ELOVL7: variants seen among roughly 807,000 people sequenced by gnomAD.
ELOVL7 encodes the protein very long chain fatty acid elongase 7.
Under a neutral mutation model 35.7 loss-of-function variants are expected in ELOVL7, and 27 were observed. That is an observed-to-expected ratio of 0.76 (90% CI 0.56 to 1.04). ELOVL7 has a LOEUF of 1.04. Among genes scored for constraint, ELOVL7 ranks in the 50% least tolerant of loss-of-function variants. The pLI is 0.00. For missense variants in ELOVL7, 327 were observed against 340.8 expected (o/e 0.96, Z 0.32); for synonymous variants, 113 against 114.6 (o/e 0.99, Z 0.09).
intron 1 of ELOVL7, among the ~76,000 whole-genome samples, chr5:60,814,819 A>G (rs549497605): frequency 2.0e-5 from 3 of 152,336 alleles, no homozygotes; most frequent in African/African-American, 7.2e-5. Context: ...GAATTTCATC[A>G]ATCAACCAAC....
intron 2 of ELOVL7, among the ~76,000 whole-genome samples, chr5:60,791,470 C>G (rs1236728513): frequency 1.3e-5 from 2 of 152,162 alleles, no homozygotes; most frequent in Non-Finnish European, 2.9e-5. Flanking sequence ...AAGCTCAAAT[C>G]TCAGCATCAC....
chr5:60,818,972 C>T (rs1035753630), intron 1 of ELOVL7, among the ~76,000 whole-genome samples: 5 of 144,640 alleles, frequency 3.5e-5, no homozygotes, highest in African/African-American at 7.7e-5. Context: ...TATTGTGCCA[C>T]TGCACTCCAG....
intron 2 of ELOVL7, among the ~76,000 whole-genome samples, chr5:60,793,483 G>C (rs1390417518): frequency 6.6e-6 from 1 of 152,090 alleles, no homozygotes; most frequent in Admixed American, 6.5e-5. Flanking sequence ...TTTGGGTTTG[G>C]GGGTAGCATA....
intron 1 of ELOVL7, among the ~76,000 whole-genome samples, chr5:60,801,024 C>T (rs1388885547): frequency 5.9e-5 from 9 of 152,104 alleles, no homozygotes; most frequent in African/African-American, 2.2e-4. Context: ...ATCTCCTGGG[C>T]TAAGGAAATT....
intron 1 of ELOVL7, among the ~76,000 whole-genome samples, chr5:60,837,315 T>TGGGGGGGGGGGGGGG (rs1227317155): frequency 2.0e-4 from 5 of 24,524 alleles, no homozygotes; most frequent in Admixed American, 5.4e-4. Flanking sequence ...GGCGGGGGGG[T>TGGGGGGGGGGGGGGG]GGGGGGGGAG....
At chr5:60,840,701 G>A (rs186195010) in intron 1 of ELOVL7, among the ~76,000 whole-genome samples, 2 of 152,050 alleles carry the variant, frequency 1.3e-5, no homozygotes, top group Non-Finnish European at 2.9e-5. Flanking sequence ...TTTTAAAATC[G>A]CTTTTAGAAA....
At chr5:60,815,235 T>C (rs2112332158) in intron 1 of ELOVL7, among the ~76,000 whole-genome samples, 1 of 152,324 alleles carries the variant, frequency 6.6e-6, no homozygotes, top group East Asian at 1.9e-4. Context: ...ATACTTATCA[T>C]TCTTTAAATG....
intron 1 of ELOVL7, among the ~76,000 whole-genome samples, chr5:60,801,613 C>T (rs1302875628): frequency 6.6e-6 from 1 of 151,624 alleles, no homozygotes; most frequent in African/African-American, 2.4e-5. Context: ...TAAGGCAGGA[C>T]GATGGCTTGA....
At chr5:60,768,577 T>C (rs1742385242) in intron 4 of ELOVL7, 1 of 410,512 alleles carries the variant, frequency 2.4e-6, no homozygotes. Context: ...CCAAGGCTGA[T>C]GTGACAAGAA....
At chr5:60,818,692 T>A (rs1745681406) in intron 1 of ELOVL7, among the ~76,000 whole-genome samples, 1 of 152,096 alleles carries the variant, frequency 6.6e-6, no homozygotes, top group Middle Eastern at 3.4e-3. Flanking sequence ...AAGACAAACC[T>A]ATCAGTAGAC....
chr5:60,771,840 A>G, intron 4 of ELOVL7, 63 bp downstream of exon 4: 1 of 1,189,180 alleles, frequency 8.4e-7, no homozygotes, highest in Non-Finnish European at 1.2e-6. Context: ...CAGAAAACAT[A>G]ATGACACATA....
At chr5:60,791,725 A>G (rs143355241) in intron 2 of ELOVL7, among the ~76,000 whole-genome samples, 8 of 152,280 alleles carry the variant, frequency 5.3e-5, no homozygotes, top group Admixed American at 4.6e-4. Flanking sequence ...TTGAGACCAC[A>G]CAAAAAGCTA....
At chr5:60,841,946 C>T (rs1747198540) in intron 1 of ELOVL7, among the ~76,000 whole-genome samples, 1 of 152,174 alleles carries the variant, frequency 6.6e-6, no homozygotes, top group Non-Finnish European at 1.5e-5. Context: ...CCAATGCAAA[C>T]TCCGTAACTT....
At chr5:60,779,089 G>A (rs1743081017) in intron 3 of ELOVL7, among the ~76,000 whole-genome samples, 1 of 152,206 alleles carries the variant, frequency 6.6e-6, no homozygotes, top group Admixed American at 6.5e-5. Flanking sequence ...CAAGAGGTGG[G>A]CTCCCATGGC....
At chr5:60,802,056 ACT>A (rs1321195817) in intron 1 of ELOVL7, among the ~76,000 whole-genome samples, 1 of 125,594 alleles carries the variant, frequency 8.0e-6, no homozygotes, top group African/African-American at 3.2e-5. Flanking sequence ...TCCCTAATAA[ACT>A]CTCATATATA....
intron 1 of ELOVL7, among the ~76,000 whole-genome samples, chr5:60,813,418 T>C (rs1745345897): frequency 6.6e-6 from 1 of 152,162 alleles, no homozygotes; most frequent in African/African-American, 2.4e-5. Flanking sequence ...GAGAAAAATA[T>C]AGTCCTAAAA....
At chr5:60,824,541 T>G (rs1746063969) in intron 1 of ELOVL7, among the ~76,000 whole-genome samples, 1 of 152,242 alleles carries the variant, frequency 6.6e-6, no homozygotes, top group Admixed American at 6.5e-5. Flanking sequence ...TAGATTCAAA[T>G]GTGGCAATGG....
At chr5:60,836,975 G>A (rs1579948288) in intron 1 of ELOVL7, among the ~76,000 whole-genome samples, 1 of 151,946 alleles carries the variant, frequency 6.6e-6, no homozygotes, top group African/African-American at 2.4e-5. Context: ...TTCAGAGTGG[G>A]GAGAGCCTAA....
rs755747534 is a variant in ELOVL7, at chr5:60,819,510, G to A, written c.-85-20280C>T. On this transcript the variant is annotated intron_variant, in intron 1 of 8. Transcript: ENST00000508821. ...AGAACCACGATCATAGGCTGGGAAC[G>A]GTGGCTCATGCCTGTAATCCCAGCA... 5.1e-4 allele frequency among the ~76,000 whole-genome samples: 78 copies of A among 152,244 alleles called. 2 individuals are homozygous for A. Among genetic ancestry groups the A allele is most frequent in the Admixed American group, 3.3e-3 (51 of 15,294 alleles).
Sources: gnomAD v4.1 joint callset for allele counts (sites outside exome capture counted in the v4.1 genomes callset) on GRCh38, gnomAD v4.1.1 for gene constraint, MANE v1.5 for transcripts, NCBI Gene and HGNC (gene_info 2026-07-23, HGNC 2026-07-21) for gene names.